OSBPL1A: variants seen among roughly 807,000 people sequenced by gnomAD.
OSBPL1A encodes the protein oxysterol-binding protein-related protein 1.
A neutral mutation model predicts 137.1 loss-of-function variants in OSBPL1A; 80 were observed. The ratio of observed to expected loss-of-function variants is 0.58; its 90% CI spans 0.49 to 0.70. OSBPL1A has a LOEUF of 0.70. Among genes scored for constraint, OSBPL1A ranks in the 30% least tolerant of loss-of-function variants. The pLI, the probability that OSBPL1A is intolerant of heterozygous loss-of-function variation, is 0.00. For missense variants in OSBPL1A, 970 were observed against 1,129.4 expected, an observed-to-expected ratio of 0.86 and a Z score of 2.02; for synonymous variants, 365 against 389.7, an observed-to-expected ratio of 0.94 and a Z score of 0.75.
chr18:24,208,762 C>A lies in OSBPL1A; in HGVS notation c.1602-12562G>T, dbSNP rs746723408. Among the ~76,000 whole-genome samples, 48 of 152,282 alleles carry A rather than the reference C, an allele frequency of 3.2e-4. 2 individuals carry two copies. Among genetic ancestry groups the A allele is most frequent in the Middle Eastern group, 3.4e-3 (1 of 292 alleles). ...AGATGATTTTCTATTAATTAGGGAT[C>A]TAGAATGAGTAAACTGTCCCGCGCA... On this transcript the variant is annotated intron_variant, in intron 17 of 27. Transcript: ENST00000319481.
At chr18:24,368,738 C>T (rs968029958) in intron 2 of OSBPL1A, 1 of 192,528 alleles carries the variant, frequency 5.2e-6, no homozygotes, top group Non-Finnish European at 1.1e-5. Context: ...ACAAGCAACT[C>T]TCTTTGAAAA....
At chr18:24,315,078 T>C (rs58461566) in intron 11 of OSBPL1A, among the ~76,000 whole-genome samples, 63,630 of 151,932 alleles carry the variant, frequency 0.42, 13,893 homozygotes, top group African/African-American at 0.48. Context: ...TGGAGGAACC[T>C]GGACCTGAAC....
At chr18:24,214,391 T>G (rs116596021) in intron 17 of OSBPL1A, among the ~76,000 whole-genome samples, 146 of 152,318 alleles carry the variant, frequency 9.6e-4, no homozygotes, top group African/African-American at 3.2e-3. Flanking sequence ...TTCAAGGTGG[T>G]GAGCACACAT....
At chr18:24,273,555 C>G (rs574687965) in intron 15 of OSBPL1A, among the ~76,000 whole-genome samples, 73 of 152,308 alleles carry the variant, frequency 4.8e-4, no homozygotes, top group African/African-American at 1.6e-3. Flanking sequence ...GTCGAGGTAG[C>G]AGAGTTTAGA....
intron 17 of OSBPL1A, among the ~76,000 whole-genome samples, chr18:24,197,912 G>A (rs888519927): frequency 2.0e-5 from 3 of 150,846 alleles, no homozygotes; most frequent in Admixed American, 6.6e-5. Context: ...TCAGCCTCCC[G>A]AGTAGCTGGG....
In OSBPL1A at chr18:24,212,060, T is replaced by A. The variant is rs114189651; in HGVS notation, c.1601+12982A>T. On this transcript the variant is annotated intron_variant, in intron 17 of 27. Coordinates refer to ENST00000319481, the MANE Select transcript of OSBPL1A (RefSeq NM_080597.4). Reference sequence around the variant, plus strand: ...TCAAAATGTTATTTCATTTCTGGAATCTGCTTCAGAAACTTTTTTTTTTTT... The same window carrying A: ...TCAAAATGTTATTTCATTTCTGGAAACTGCTTCAGAAACTTTTTTTTTTTT... Among the ~76,000 whole-genome samples the A allele has an allele frequency of 6.3e-3, 962 of 151,628 alleles. 7 individuals are homozygous for A. Among genetic ancestry groups the A allele is most frequent in the African/African-American group, 0.022 (918 of 41,396 alleles).
At chr18:24,389,516 A>G (rs1367913263) in intron 1 of OSBPL1A, among the ~76,000 whole-genome samples, 1 of 152,210 alleles carries the variant, frequency 6.6e-6, no homozygotes, top group African/African-American at 2.4e-5. Context: ...TATGGCCCCA[A>G]CAGTTCTGAA....
intron 7 of OSBPL1A, among the ~76,000 whole-genome samples, chr18:24,328,744 A>G (rs2146136812): frequency 2.6e-5 from 4 of 152,294 alleles, no homozygotes; most frequent in African/African-American, 9.6e-5. Context: ...ACAGTGCTTC[A>G]AATGTGGCTA....
At chr18:24,317,446 T>G (rs994051109) in intron 9 of OSBPL1A, 46 bp from the exon 10 acceptor site, 1 of 1,437,588 alleles carries the variant, frequency 7.0e-7, no homozygotes, top group Non-Finnish European at 9.8e-7. Flanking sequence ...ACATCTAGAT[T>G]CAAATGCTTG....
intron 7 of OSBPL1A, among the ~76,000 whole-genome samples, chr18:24,327,496 G>A (rs966496013): frequency 7.2e-5 from 11 of 151,852 alleles, no homozygotes; most frequent in African/African-American, 2.2e-4. Context: ...TGCAACCTCC[G>A]TCTCCTGGGT....
intron 1 of OSBPL1A, among the ~76,000 whole-genome samples, chr18:24,389,233 G>C (rs1290508419): frequency 6.6e-6 from 1 of 152,080 alleles, no homozygotes; most frequent in Non-Finnish European, 1.5e-5. Flanking sequence ...TTAGATTAAT[G>C]AGATTTTCAT....
At chr18:24,370,622 C>T (rs1905548071) in intron 2 of OSBPL1A, among the ~76,000 whole-genome samples, 1 of 152,200 alleles carries the variant, frequency 6.6e-6, no homozygotes, top group Non-Finnish European at 1.5e-5. Context: ...CCTGTCCACA[C>T]AGCTATCCCC....
intron 18 of OSBPL1A, among the ~76,000 whole-genome samples, chr18:24,191,492 CTCAGA>C (rs2086891247): frequency 6.6e-6 from 1 of 152,016 alleles, no homozygotes; most frequent in Non-Finnish European, 1.5e-5. Context: ...TGATATTCAT[CTCAGA>C]TATCTAAAAC....
chr18:24,245,286 C>A (rs1364856861), intron 15 of OSBPL1A, among the ~76,000 whole-genome samples: 1 of 151,908 alleles, frequency 6.6e-6, no homozygotes, highest in Non-Finnish European at 1.5e-5. Flanking sequence ...AGAGACGGGT[C>A]TCCCTACGTT....
chr18:24,316,209 T>A (rs2090732444), intron 11 of OSBPL1A, among the ~76,000 whole-genome samples: 3 of 151,900 alleles, frequency 2.0e-5, no homozygotes, highest in Admixed American at 2.0e-4. Flanking sequence ...TGCAGTAAGC[T>A]GAGATCGTGC....
intron 14 of OSBPL1A, among the ~76,000 whole-genome samples, chr18:24,300,121 T>A (rs2090370786): frequency 6.6e-6 from 1 of 152,242 alleles, no homozygotes; most frequent in African/African-American, 2.4e-5. Context: ...CAATACTACA[T>A]TCTTGAACCT....
At chr18:24,221,245 C>T (rs997686229) in intron 17 of OSBPL1A, among the ~76,000 whole-genome samples, 4 of 152,132 alleles carry the variant, frequency 2.6e-5, no homozygotes, top group East Asian at 1.9e-4. Context: ...ACCTTCAATT[C>T]GTGGGTGCAT....
chr18:24,243,165 G>T (rs1162272859), intron 15 of OSBPL1A, among the ~76,000 whole-genome samples: 3 of 152,124 alleles, frequency 2.0e-5, no homozygotes, highest in African/African-American at 7.2e-5. Flanking sequence ...GGTGGAGGTT[G>T]CAGTGAGCTG....
At chr18:24,343,409 A>G (rs2091300326) in intron 4 of OSBPL1A, among the ~76,000 whole-genome samples, 1 of 152,208 alleles carries the variant, frequency 6.6e-6, no homozygotes, top group South Asian at 2.1e-4. Flanking sequence ...ACCCAAAGCT[A>G]TCTACAGATT....
Sources: allele counts gnomAD v4.1 joint callset (sites outside exome capture counted in the v4.1 genomes callset), GRCh38; gene constraint gnomAD v4.1.1; transcripts MANE v1.5; gene names NCBI Gene and HGNC (gene_info 2026-07-23, HGNC 2026-07-21).